IQCH: variants seen among roughly 807,000 people sequenced by gnomAD.
The protein encoded by IQCH is IQ domain-containing protein H.
IQCH carries 98 observed loss-of-function variants against 117.0 expected under a neutral mutation model. The observed-to-expected ratio is 0.84, with a 90% CI of 0.71 to 0.99. The LOEUF is 0.99. IQCH is among the 50% of genes least tolerant of loss of function. The probability of loss-of-function intolerance (pLI) is 0.00; values close to 1 mark genes in which losing one functional copy is unlikely to be tolerated. For missense variants in IQCH, 1,102 were observed against 1,243.8 expected, an observed-to-expected ratio of 0.89 and a Z score of 1.72; for synonymous variants, 412 against 448.2, an observed-to-expected ratio of 0.92 and a Z score of 1.02.
At chr15:67,497,395 T>A (rs1052456974) in intron 20 of IQCH, among the ~76,000 whole-genome samples, 2 of 152,170 alleles carry the variant, frequency 1.3e-5, no homozygotes, top group African/African-American at 4.8e-5. Context: ...AAAATCAGTA[T>A]ACAAAAGACA....
rs1971655474 is a variant in IQCH, at chr15:67,401,443, A to T, written c.2097+1138A>T. On this transcript the variant is annotated intron_variant, in intron 14 of 20. Coordinates refer to ENST00000335894, the MANE Select transcript of IQCH (RefSeq NM_001031715.3). This position sits in a 1 kb window ranked among gnomAD's most constrained non-coding sequence, Gnocchi z 4.7. ...GGAAAATCACAATGCAAATTCCCTT[A>T]ACTGGTTCCTTCCCTACCAGCATAC... is the stretch of plus-strand genomic sequence containing the variant. 6.6e-6 allele frequency among the ~76,000 whole-genome samples: 1 copy of T among 152,152 alleles called. No individual in the cohort carries two copies. Among genetic ancestry groups the T allele is most frequent in the Non-Finnish European group, 1.5e-5 (1 of 68,038 alleles).
intron 10 of IQCH, 119 bp downstream of exon 10, chr15:67,373,552 GT>G: frequency 1.3e-6 from 1 of 749,702 alleles, no homozygotes; most frequent in African/African-American, 1.7e-5. Context: ...GCAGGAAAAT[GT>G]TCTCGACATG....
intron 6 of IQCH, among the ~76,000 whole-genome samples, chr15:67,347,299 A>G (rs1426969878): frequency 6.6e-6 from 1 of 152,136 alleles, no homozygotes; most frequent in African/African-American, 2.4e-5. Flanking sequence ...CCAAGATTAA[A>G]AGAGAGAAGG....
At chr15:67,483,326 A>G (rs2083387553) in intron 18 of IQCH, among the ~76,000 whole-genome samples, 1 of 152,136 alleles carries the variant, frequency 6.6e-6, no homozygotes. Context: ...AGACCACCCT[A>G]ACCAACATAG....
chr15:67,341,782 AC>A (rs2140677418), intron 5 of IQCH, among the ~76,000 whole-genome samples: 1 of 152,354 alleles, frequency 6.6e-6, no homozygotes, highest in South Asian at 2.1e-4. Flanking sequence ...CCAAATAGAC[AC>A]ATTTATAAAT....
rs898025941 is a variant in IQCH, at chr15:67,390,148, C to T, written c.1632+1142C>T. On this transcript the variant is annotated intron_variant, in intron 12 of 20. Transcript: ENST00000335894. The surrounding 1 kb of genome is among the most constrained non-coding windows in gnomAD (Gnocchi z 5.0). ...GGGAAGCAAAAGAAAGGACAAGTGA[C>T]AAATCACTGCCGTTTATGTACATTC... 6.6e-6 allele frequency among the ~76,000 whole-genome samples: 1 copy of T among 152,148 alleles called. No homozygotes were observed. Among genetic ancestry groups the T allele is most frequent in the African/African-American group, 2.4e-5 (1 of 41,438 alleles).
chr15:67,435,657 G>A (rs182622617), intron 16 of IQCH, among the ~76,000 whole-genome samples: 1 of 151,858 alleles, frequency 6.6e-6, no homozygotes, highest in Non-Finnish European at 1.5e-5. Context: ...TGGATCACTT[G>A]AGGTCAGGAG....
rs564404828 is a variant in IQCH, at chr15:67,474,251, C to T, written c.2677-1445C>T. 3.9e-5 allele frequency among the ~76,000 whole-genome samples: 6 copies of T among 152,204 alleles called. No homozygotes were observed. Among genetic ancestry groups the T allele is most frequent in the East Asian group, 1.9e-4 (1 of 5,162 alleles). On this transcript the variant is annotated intron_variant, in intron 17 of 20. Transcript: ENST00000335894. This position sits in a 1 kb window ranked among gnomAD's most constrained non-coding sequence, Gnocchi z 4.1. Reference sequence around the variant, plus strand: ...CATGTCAGGTCACTACGATTCCTTACGGCCAGCTCCAGACCAGCAGCACCT... The same window carrying T: ...CATGTCAGGTCACTACGATTCCTTATGGCCAGCTCCAGACCAGCAGCACCT...
chr15:67,273,561 A>G lies in IQCH; in HGVS notation c.270-5834A>G, dbSNP rs1395039153. ...AACTTTAAAAAAACTCTACACTTTA[A>G]GTCCATTCCCCATACATTTTGACTT... is the stretch of plus-strand genomic sequence containing the variant. On this transcript the variant is annotated intron_variant, in intron 3 of 20. Coordinates refer to ENST00000335894, the MANE Select transcript of IQCH (RefSeq NM_001031715.3). Among the ~76,000 whole-genome samples, 3 of 152,328 alleles carry G rather than the reference A, an allele frequency of 2.0e-5. No homozygotes were observed. In the East Asian group the frequency reaches 5.8e-4, roughly 29 times the overall value.
chr15:67,344,318 A>G, intron 6 of IQCH, 127 bp downstream of exon 6: 1 of 679,756 alleles, frequency 1.5e-6, no homozygotes, highest in Non-Finnish European at 2.4e-6. Context: ...AATCATCCTG[A>G]GTTTCACTAC....
intron 4 of IQCH, among the ~76,000 whole-genome samples, chr15:67,303,570 C>T (rs1596140552): frequency 6.6e-6 from 1 of 152,104 alleles, no homozygotes. Flanking sequence ...ACCATTAAGT[C>T]TAACATGCAT....
intron 14 of IQCH, among the ~76,000 whole-genome samples, chr15:67,412,555 C>T (rs187566214): frequency 2.0e-5 from 3 of 152,212 alleles, no homozygotes; most frequent in African/African-American, 7.2e-5. Flanking sequence ...CCCACCACCA[C>T]GCCCGGCTAA....
intron 4 of IQCH, among the ~76,000 whole-genome samples, chr15:67,309,969 G>C (rs17230654): frequency 0.024 from 3,599 of 150,312 alleles, 73 homozygotes; most frequent in Non-Finnish European, 0.04. Context: ...GCACATAATG[G>C]GTACCTAATA....
intron 18 of IQCH, among the ~76,000 whole-genome samples, chr15:67,488,482 C>A (rs1251945321): frequency 6.6e-6 from 1 of 152,202 alleles, no homozygotes; most frequent in Non-Finnish European, 1.5e-5. Context: ...ATCAACTGAG[C>A]CTTTATCAGA....
intron 1 of IQCH, among the ~76,000 whole-genome samples, chr15:67,255,641 C>T (rs1336963363): frequency 6.6e-6 from 1 of 152,218 alleles, no homozygotes; most frequent in Non-Finnish European, 1.5e-5. Flanking sequence ...TTAACTATCA[C>T]ATATATAATA....
At position 67,267,373 on chromosome 15, in the gene IQCH, A is replaced by G. The variant is rs1429214379; in HGVS notation, c.269+4157A>G. On this transcript the variant is annotated intron_variant, in intron 3 of 20. Transcript: ENST00000335894. ...GGGGGCATCCTAGCATCTGCATTTT[A>G]GCAAACATTCTTGGTATTTCTAATG... Among the ~76,000 whole-genome samples, 18 of 152,188 alleles carry G rather than the reference A, an allele frequency of 1.2e-4. 1 individual carries two copies. The highest frequency in any genetic ancestry group is 1.2e-3 in the Admixed American group (18 of 15,284).
rs764523328 is a variant in IQCH, at chr15:67,494,249, C to T, written c.2862-9C>T. On this transcript the variant is annotated splice_polypyrimidine_tract_variant and intron_variant, in intron 19 of 20. Transcript: ENST00000335894. This position sits in a 1 kb window ranked among gnomAD's most constrained non-coding sequence, Gnocchi z 5.5. ...TTGGTAAACTCATTTGTTTGGATAT[C>T]ATTAACAGAACAATCGGCGAGGATC... is the stretch of plus-strand genomic sequence containing the variant. 1.3e-6 allele frequency: 2 copies of T among 1,596,808 alleles called. No individual in the cohort carries two copies. Among genetic ancestry groups the T allele is most frequent in the Non-Finnish European group, 1.7e-6 (2 of 1,171,518 alleles).
At position 67,427,151 on chromosome 15, in the gene IQCH, C is replaced by A. The variant is rs913221058; in HGVS notation, c.2505+5574C>A. Among the ~76,000 whole-genome samples the A allele has an allele frequency of 3.3e-5, 5 of 152,134 alleles. No individual in the cohort carries two copies. The highest frequency in any genetic ancestry group is 5.9e-5 in the Non-Finnish European group (4 of 68,016). ...AAATAACTTCTCCAACAATGAGAAA[C>A]TTGAGTCTTTATCCCTCAATATAGT... On this transcript the variant is annotated intron_variant, in intron 16 of 20. Transcript: ENST00000335894. The surrounding 1 kb of genome is among the most constrained non-coding windows in gnomAD (Gnocchi z 4.7).
In IQCH at chr15:67,494,430, C is replaced by G; in HGVS notation, c.2970+64C>G. 9.0e-7 allele frequency: 1 copy of G among 1,110,040 alleles called. No individual in the cohort carries two copies. The highest frequency in any genetic ancestry group is 1.4e-5 in the South Asian group (1 of 70,836). 68.8% of individuals were successfully genotyped at this position (1,110,040 alleles called of 1,614,324 possible). A position where few individuals can be genotyped will look rare whatever the true frequency, so the allele number is the denominator to read the frequency against. On this transcript the variant is annotated intron_variant, in intron 20 of 20. Transcript: ENST00000335894. The surrounding 1 kb of genome is among the most constrained non-coding windows in gnomAD (Gnocchi z 5.5). ...ATACAAGGGCTGAAAATACCTCATGCTGTATTGTAAACAAGTGCTAAACCA... is the reference window on the plus strand; with the variant it reads ...ATACAAGGGCTGAAAATACCTCATGGTGTATTGTAAACAAGTGCTAAACCA...
Sources: gnomAD v4.1 joint callset for allele counts (sites outside exome capture counted in the v4.1 genomes callset) on GRCh38, gnomAD v4.1.1 for gene constraint, Gnocchi (gnomAD v3.1) non-coding constraint, MANE v1.5 for transcripts, NCBI Gene and HGNC (gene_info 2026-07-23, HGNC 2026-07-21) for gene names.